DOCK4: variants seen among roughly 807,000 people sequenced by gnomAD.
DOCK4 encodes the protein dedicator of cytokinesis protein 4.
A neutral mutation model predicts 268.1 loss-of-function variants in DOCK4; 97 were observed. The observed-to-expected ratio is 0.36, with a 90% confidence interval of 0.31 to 0.43. The LOEUF (loss-of-function observed/expected upper bound fraction) is 0.43. Among genes scored for constraint, DOCK4 ranks in the 20% least tolerant of loss-of-function variants. The probability of loss-of-function intolerance (pLI) is 1.00; values close to 1 mark genes in which losing one functional copy is unlikely to be tolerated. For missense variants in DOCK4, 2,145 were observed against 2,455.7 expected (o/e 0.87, Z 2.67); for synonymous variants, 954 against 887.2 (o/e 1.08, Z -1.34).
intron 14 of DOCK4, 129 bp downstream of exon 14, chr7:111,901,548 A>G: frequency 1.0e-6 from 1 of 955,576 alleles, no homozygotes. Flanking sequence ...AAGGAGAAAA[A>G]TAAGATAGAA....
chr7:112,140,727 T>C (rs958320252), intron 1 of DOCK4, among the ~76,000 whole-genome samples: 4 of 152,002 alleles, frequency 2.6e-5, no homozygotes, highest in Admixed American at 2.0e-4. Context: ...AGCCTCTTTA[T>C]AGCAGCTCTG....
chr7:111,968,636 G>A (rs1375399056), intron 8 of DOCK4, among the ~76,000 whole-genome samples: 1 of 119,050 alleles, frequency 8.4e-6, no homozygotes, highest in Non-Finnish European at 1.6e-5. Context: ...TTCAACCATT[G>A]TGGAAGTCAG....
chr7:111,946,638 G>A (rs1022428088), intron 8 of DOCK4, among the ~76,000 whole-genome samples: 6 of 152,142 alleles, frequency 3.9e-5, no homozygotes, highest in Admixed American at 3.3e-4. Context: ...CTGGAGTACA[G>A]TGGTATGATC....
intron 51 of DOCK4, 150 bp from the exon 52 acceptor site, chr7:111,732,437 A>C: frequency 1.4e-6 from 1 of 703,848 alleles, no homozygotes; most frequent in Non-Finnish European, 2.4e-6. Flanking sequence ...GGGAGAAGCT[A>C]AATGATGCCT....
chr7:111,822,595 G>T, intron 26 of DOCK4, 139 bp from the exon 27 acceptor site: 1 of 741,518 alleles, frequency 1.3e-6, no homozygotes, highest in Non-Finnish European at 2.1e-6. Flanking sequence ...TTAACAGTTT[G>T]CCCAAGGGAA....
chr7:111,767,736 A>G (rs1227030803), intron 37 of DOCK4, among the ~76,000 whole-genome samples: 2 of 152,104 alleles, frequency 1.3e-5, no homozygotes, highest in African/African-American at 4.8e-5. Flanking sequence ...ATGGATATAA[A>G]CAGGCCCTCA....
intron 6 of DOCK4, among the ~76,000 whole-genome samples, chr7:111,987,908 T>A (rs146550965): frequency 9.2e-5 from 14 of 152,280 alleles, no homozygotes; most frequent in African/African-American, 3.4e-4. Flanking sequence ...GAATGGCACA[T>A]CCTATTCAAC....
At chr7:111,880,868 T>C (rs887391966) in intron 16 of DOCK4, among the ~76,000 whole-genome samples, 1 of 130,846 alleles carries the variant, frequency 7.6e-6, no homozygotes, top group Non-Finnish European at 1.6e-5. Context: ...TGGATATCCA[T>C]ATGCAGAAGA....
At chr7:112,041,447 T>C (rs1804346264) in intron 1 of DOCK4, among the ~76,000 whole-genome samples, 1 of 152,206 alleles carries the variant, frequency 6.6e-6, no homozygotes, top group African/African-American at 2.4e-5. Context: ...AAATTTCAGA[T>C]GAAGGTTGGT....
At chr7:111,956,581 T>C (rs538206027) in intron 8 of DOCK4, among the ~76,000 whole-genome samples, 10 of 152,152 alleles carry the variant, frequency 6.6e-5, no homozygotes, top group African/African-American at 2.4e-4. Context: ...AGGTTAAATA[T>C]CTCCACAGGT....
chr7:112,139,489 G>C (rs976183430), intron 1 of DOCK4, among the ~76,000 whole-genome samples: 24 of 152,278 alleles, frequency 1.6e-4, no homozygotes, highest in African/African-American at 5.8e-4. Flanking sequence ...GTGACTAAGA[G>C]CTTAGGAAAA....
At chr7:111,746,554 T>A (rs1439210700) in intron 43 of DOCK4, 137 bp from the exon 44 acceptor site, 1 of 650,978 alleles carries the variant, frequency 1.5e-6, no homozygotes. Flanking sequence ...GGCTGATTAC[T>A]AGTGTAGGTG....
intron 8 of DOCK4, among the ~76,000 whole-genome samples, chr7:111,946,199 G>T (rs1795605765): frequency 6.6e-6 from 1 of 152,128 alleles, no homozygotes. Context: ...TAACATTAAA[G>T]ATATTTTGAG....
chr7:111,944,917 C>T (rs752037699), intron 9 of DOCK4, 46 bp from the exon 10 acceptor site: 1 of 1,513,654 alleles, frequency 6.6e-7, no homozygotes, highest in South Asian at 1.1e-5. Context: ...ATGAGCGGCA[C>T]TTAAAGGGCA....
At chr7:111,771,537 A>C (rs1798125776) in intron 36 of DOCK4, among the ~76,000 whole-genome samples, 1 of 152,212 alleles carries the variant, frequency 6.6e-6, no homozygotes, top group Admixed American at 6.5e-5. Flanking sequence ...AATCACCATA[A>C]CATAGGTAGC....
intron 1 of DOCK4, among the ~76,000 whole-genome samples, chr7:112,086,441 C>T (rs1322183518): frequency 6.6e-6 from 1 of 152,020 alleles, no homozygotes; most frequent in African/African-American, 2.4e-5. Flanking sequence ...GTCAATGAAA[C>T]AGAAAACGTT....
intron 1 of DOCK4, among the ~76,000 whole-genome samples, chr7:112,180,511 A>G (rs192275841): frequency 6.6e-6 from 1 of 152,294 alleles, no homozygotes; most frequent in African/African-American, 2.4e-5. Flanking sequence ...CAGAAATGGA[A>G]TCTGTGGGCA....
At chr7:111,873,342 C>T (rs996318615) in intron 17 of DOCK4, among the ~76,000 whole-genome samples, 1 of 152,204 alleles carries the variant, frequency 6.6e-6, no homozygotes, top group African/African-American at 2.4e-5. Flanking sequence ...GAGATGGTCT[C>T]CATGCATTAT....
At chr7:112,205,770 T>C (rs1484176345) in intron 1 of DOCK4, among the ~76,000 whole-genome samples, 1 of 133,574 alleles carries the variant, frequency 7.5e-6, no homozygotes, top group Non-Finnish European at 1.5e-5. Flanking sequence ...CTCTTCCAAC[T>C]TGACACACAC....
Sources: gnomAD v4.1 joint callset for allele counts (sites outside exome capture counted in the v4.1 genomes callset) on GRCh38, gnomAD v4.1.1 for gene constraint, MANE v1.5 for transcripts, NCBI Gene and HGNC (gene_info 2026-07-23, HGNC 2026-07-21) for gene names.